Variants in CFH observed in about 807,000 individuals in gnomAD.
CFH encodes the protein H factor 1 (complement).
A neutral mutation model predicts 147.3 loss-of-function variants in CFH; 53 were observed. The ratio of observed to expected loss-of-function variants is 0.36; its 90% CI spans 0.29 to 0.45. CFH has a LOEUF of 0.45. Among genes scored for constraint, CFH ranks in the 20% least tolerant of loss-of-function variants. The probability of loss-of-function intolerance (pLI) is 1.00; values close to 1 mark genes in which losing one functional copy is unlikely to be tolerated. For missense variants in CFH, 1,380 were observed against 1,498.0 expected (o/e 0.92, Z 1.30); for synonymous variants, 536 against 489.4 (o/e 1.10, Z -1.26).
chr1:196,672,981 G>C lies in CFH; in HGVS notation c.62G>C (p.Cys21Ser). 6.2e-7 allele frequency: 1 copy of C among 1,613,500 alleles called. No individual in the cohort carries two copies. Among genetic ancestry groups the C allele is most frequent in the Non-Finnish European group, 8.5e-7 (1 of 1,179,590 alleles). The change falls in exon 2 of 22, where the codon TGC (cysteine) becomes TCC (serine). Residue 21 changes from cysteine (C) to serine (S), a missense_variant. Cys to Ser is a moderately radical substitution (Grantham distance 112). Around this residue, in one of 4 missense-constraint regions of CFH, gnomAD observed 260 missense variants for 263.3 expected, o/e 0.99. Transcript: ENST00000367429. The part of the protein sequence containing the change: ...MLWAICVAED[C>S]NELPPRRNTE... The stretch of plus-strand genomic sequence containing the variant: ...ATTTTGTTTTTATTGTTTGTAGATT[G>C]CAATGAACTTCCTCCAAGAAGAAAT...
At chr1:196,734,386 A>C (rs2149111961) in intron 15 of CFH, among the ~76,000 whole-genome samples, 1 of 152,152 alleles carries the variant, frequency 6.6e-6, no homozygotes, top group South Asian at 2.1e-4. Context: ...CTCCCTGCCT[A>C]GCTCTTTATT....
rs145351004 is a variant in CFH at position 196,671,408 on chromosome 1, C to A, written c.59-1570C>A. On this transcript the variant is annotated intron_variant, in intron 1 of 21. Coordinates refer to ENST00000367429, the MANE Select transcript of CFH (RefSeq NM_000186.4). ...TAATGACAAAAGTTTATATAACTTACTCTCATCAACAAGATTGTTTGCTCT... is the reference window on the plus strand; with the variant it reads ...TAATGACAAAAGTTTATATAACTTAATCTCATCAACAAGATTGTTTGCTCT... 2.6e-3 allele frequency among the ~76,000 whole-genome samples: 399 copies of A among 151,688 alleles called. 2 individuals are homozygous for A. The highest frequency in any genetic ancestry group is 0.013 in the East Asian group (68 of 5,150).
intron 2 of CFH, 162 bp downstream of exon 2, chr1:196,673,325 C>A: frequency 1.4e-6 from 1 of 706,194 alleles, no homozygotes; most frequent in Non-Finnish European, 2.3e-6. Context: ...CTGGCTCTGT[C>A]ACCTAGGCTG....
At chr1:196,718,260 T>C (rs1404625113) in intron 11 of CFH, among the ~76,000 whole-genome samples, 1 of 152,018 alleles carries the variant, frequency 6.6e-6, no homozygotes, top group Non-Finnish European at 1.5e-5. Context: ...GTAATAAAAA[T>C]ATTTAAAATA....
In CFH at chr1:196,693,987, TGTGTTTTA is replaced by T. The variant is rs1279713638; in HGVS notation, c.1336+3749_1336+3756del. Reference sequence around the variant, plus strand: ...GTGTGTGTGTGTGTGTGTGTGTGTGTGTGTTTTATTATTATTATACTTTAAGTTCTGGG... The same window carrying T: ...GTGTGTGTGTGTGTGTGTGTGTGTGTTTATTATTATACTTTAAGTTCTGGG... On this transcript the variant is annotated intron_variant, in intron 9 of 21. Transcript: ENST00000367429. Among the ~76,000 whole-genome samples the T allele has an allele frequency of 9.0e-4, 136 of 151,564 alleles. 1 individual carries two copies. Among genetic ancestry groups the T allele is most frequent in the Middle Eastern group, 3.4e-3 (1 of 294 alleles).
At chr1:196,680,915 G>A (rs937666321) in intron 6 of CFH, among the ~76,000 whole-genome samples, 4 of 151,716 alleles carry the variant, frequency 2.6e-5, no homozygotes, top group Non-Finnish European at 5.9e-5. Flanking sequence ...TCTACTTTTA[G>A]GCACTGTTAA....
chr1:196,715,396 G>T (rs1056507198), intron 10 of CFH, among the ~76,000 whole-genome samples, 197 bp from the exon 11 acceptor site: 3 of 151,996 alleles, frequency 2.0e-5, no homozygotes, highest in African/African-American at 7.2e-5. Context: ...GAAAAAAAAT[G>T]TTGTGTAGAA....
chr1:196,743,689 T>C lies in CFH; in HGVS notation c.3310+61T>C, dbSNP rs1573083334. 8.1e-6 allele frequency: 13 copies of C among 1,607,256 alleles called. No individual in the cohort carries two copies. The East Asian group carries it at 2.7e-4, about 33-fold the overall frequency. Reference sequence around the variant, plus strand: ...GTATAGCAGGGTTAAAATATGTTGATTTAAACAAAATGAAGTCATTTTTAT... The same window carrying C: ...GTATAGCAGGGTTAAAATATGTTGACTTAAACAAAATGAAGTCATTTTTAT... On this transcript the variant is annotated intron_variant, in intron 20 of 21. Coordinates refer to ENST00000367429, the MANE Select transcript of CFH (RefSeq NM_000186.4).
intron 1 of CFH, among the ~76,000 whole-genome samples, chr1:196,659,178 T>C (rs1666823387): frequency 6.6e-6 from 1 of 152,216 alleles, no homozygotes; most frequent in Non-Finnish European, 1.5e-5. Flanking sequence ...TTTGACTACT[T>C]GGGCCAAAAT....
chr1:196,742,810 T>C (rs1652856405), intron 19 of CFH, among the ~76,000 whole-genome samples: 1 of 152,206 alleles, frequency 6.6e-6, no homozygotes, highest in Non-Finnish European at 1.5e-5. Context: ...GAATTTTGCA[T>C]TGTTCAGCAT....
At chr1:196,685,037 T>A (rs1320859899) in intron 6 of CFH, 27 bp from the exon 7 acceptor site, 3 of 1,501,980 alleles carry the variant, frequency 2.0e-6, no homozygotes, top group Non-Finnish European at 2.8e-6. Flanking sequence ...TATTTCTGCA[T>A]TATCCATATA....
At chr1:196,711,114 A>G (rs1473086091) in intron 9 of CFH, among the ~76,000 whole-genome samples, 1 of 152,154 alleles carries the variant, frequency 6.6e-6, no homozygotes. Flanking sequence ...TCTCAATTAT[A>G]GAGATCTAAA....
chr1:196,717,302 G>A (rs142797233), intron 11 of CFH, among the ~76,000 whole-genome samples: 1 of 152,168 alleles, frequency 6.6e-6, no homozygotes, highest in Non-Finnish European at 1.5e-5. Context: ...TTTACAAACA[G>A]TTCTAATATT....
rs1310521897 is a variant in CFH, at chr1:196,689,373, A to G, written c.965-47A>G. On this transcript the variant is annotated intron_variant, in intron 7 of 21. Transcript: ENST00000367429. ...AAATTTATCTCTAATATGAGTGTTTATTACAGTAAAATTTCTTTATACTTT... is the reference window on the plus strand; with the variant it reads ...AAATTTATCTCTAATATGAGTGTTTGTTACAGTAAAATTTCTTTATACTTT... 18 of 1,511,666 alleles carry G rather than the reference A, an allele frequency of 1.2e-5. No homozygotes were observed. In the African/African-American group the frequency reaches 2.4e-4, roughly 20 times the overall value. The allele number at this position is 1,511,666 out of a possible 1,614,324, so 93.6% of individuals were successfully genotyped here.
intron 9 of CFH, among the ~76,000 whole-genome samples, chr1:196,710,973 T>C (rs1297731777): frequency 6.6e-6 from 1 of 152,116 alleles, no homozygotes; most frequent in Non-Finnish European, 1.5e-5. Context: ...CTTGAATTTA[T>C]TGACATGGCA....
At chr1:196,700,653 C>CAA (rs550520235) in intron 9 of CFH, among the ~76,000 whole-genome samples, 2,019 of 96,360 alleles carry the variant, frequency 0.021, 30 homozygotes, top group Non-Finnish European at 0.03. Context: ...GATTCCGTCT[C>CAA]AAAAAAAAAA....
In CFH at chr1:196,742,666, C is replaced by T. The variant is rs538985870; in HGVS notation, c.3133+615C>T. 1.1e-4 allele frequency among the ~76,000 whole-genome samples: 17 copies of T among 152,230 alleles called. No individual in the cohort carries two copies. The East Asian group carries it at 1.9e-3, about 17-fold the overall frequency. The stretch of plus-strand genomic sequence containing the variant: ...TAAAATTCCGTAAGCTCATTCTAGA[C>T]ATCCAGAATCAAAAGTCTCAAAGTA... On this transcript the variant is annotated intron_variant, in intron 19 of 21. Coordinates refer to ENST00000367429, the MANE Select transcript of CFH (RefSeq NM_000186.4).
chr1:196,734,580 G>A (rs1359751952), intron 15 of CFH, among the ~76,000 whole-genome samples: 1 of 151,970 alleles, frequency 6.6e-6, no homozygotes, highest in Non-Finnish European at 1.5e-5. Context: ...TTAGGGGGTT[G>A]CAGGAGGCTT....
Position 196,652,190 on chromosome 1 carries a change from G to C in CFH, c.58+15G>C, listed in dbSNP as rs773430935. ...TGTAGCAGAAGGTAAGATTAAAAGA[G>C]ACTCTTTTCTGAAAACTGTATTATG... On this transcript the variant is annotated intron_variant, in intron 1 of 21. Coordinates refer to ENST00000367429, the MANE Select transcript of CFH (RefSeq NM_000186.4). The C allele has an allele frequency of 5.1e-6, 8 of 1,583,078 alleles. No homozygotes were observed. The South Asian group carries it at 7.7e-5, about 15-fold the overall frequency.
Sources: gnomAD v4.1 joint callset for allele counts (sites outside exome capture counted in the v4.1 genomes callset) on GRCh38, gnomAD v4.1.1 for gene constraint, gnomAD v4.1.1 regional missense constraint, MANE v1.5 for transcripts, NCBI Gene and HGNC (gene_info 2026-07-23, HGNC 2026-07-21) for gene names.